Variants in CLIC5 observed in about 807,000 individuals in gnomAD.
CLIC5 encodes the protein CLIC family member 5, also known as chloride intracellular channel protein 5.
In CLIC5, 20 loss-of-function variants were observed where a neutral mutation model predicts 24.7. The observed-to-expected ratio is 0.81, with a 90% confidence interval of 0.57 to 1.18. The LOEUF (loss-of-function observed/expected upper bound fraction) is 1.18, where lower values mean the gene tolerates loss of function less well. Ranked by LOEUF, CLIC5 falls within the 50% of genes most tolerant of loss-of-function variation. CLIC5 has a pLI of 0.00. For missense variants in CLIC5, 341 were observed against 326.1 expected, an observed-to-expected ratio of 1.05 and a Z score of -0.35; for synonymous variants, 159 against 135.6, an observed-to-expected ratio of 1.17 and a Z score of -1.20.
In CLIC5 at chr6:45,942,482, T is replaced by G. The variant is rs79842817; in HGVS notation, c.300-829A>C. On this transcript the variant is annotated intron_variant, in intron 3 of 5. Transcript: ENST00000339561. ...AAAAATCAACTCAAATAAATATTAT[T>G]TCATAAGCATTTTATGGGTATGGCC... Among the ~76,000 whole-genome samples, 375 of 152,284 alleles carry G rather than the reference T, an allele frequency of 2.5e-3. 2 individuals carry two copies. The highest frequency in any genetic ancestry group is 8.6e-3 in the African/African-American group (359 of 41,544).
rs1379233867 is a variant in CLIC5, at chr6:46,015,807, G to A, written c.-265C>T. 1.7e-6 allele frequency: 2 copies of A among 1,190,530 alleles called. No individual in the cohort carries two copies. Among genetic ancestry groups the A allele is most frequent in the Non-Finnish European group, 1.0e-6 (1 of 961,168 alleles). The allele number at this position is 1,190,530 out of a possible 1,614,324, so 73.7% of individuals were successfully genotyped here. On this transcript the variant is annotated 5_prime_UTR_variant, in exon 1 of 6. Transcript: ENST00000339561. ...GTTAAGGGAATGACAACAGGTCGTG[G>A]GAGCAACAAGTGCCGGGCTGCCCGG...
intron 3 of CLIC5, among the ~76,000 whole-genome samples, chr6:45,943,148 A>G (rs912067376): frequency 6.6e-6 from 1 of 152,244 alleles, no homozygotes; most frequent in African/African-American, 2.4e-5. Flanking sequence ...GGTGGCATAG[A>G]GAGGTTAAGC....
the CLIC5 span, among the ~76,000 whole-genome samples, chr6:46,106,018 TGCCCACCA>T: frequency 8.5e-5 from 13 of 152,228 alleles, no homozygotes; most frequent in African/African-American, 2.7e-4. Flanking sequence ...GATTCTGGGT[TGCCCACCA>T]GCTTAGGGGC....
At chr6:46,030,293 T>C (rs1248405792) in intron 1 of CLIC5, among the ~76,000 whole-genome samples, 1 of 152,166 alleles carries the variant, frequency 6.6e-6, no homozygotes, top group African/African-American at 2.4e-5. Flanking sequence ...ATATTTTTGT[T>C]TAATCCTTCC....
chr6:45,924,425 G>A (rs4714889), intron 4 of CLIC5, among the ~76,000 whole-genome samples: 148,720 of 152,308 alleles, frequency 0.98, 72,628 homozygotes, highest in East Asian at 1. Flanking sequence ...ATGTGCCCCA[G>A]CAAAAATTAC....
upstream of CLIC5, among the ~76,000 whole-genome samples, chr6:46,017,814 G>A (rs983701843): frequency 6.6e-6 from 1 of 152,176 alleles, no homozygotes; most frequent in African/African-American, 2.4e-5. Flanking sequence ...TCAGGCATCT[G>A]ATAGGCAAAG....
At chr6:45,920,261 A>G (rs1009323530) in intron 4 of CLIC5, 1 of 984,682 alleles carries the variant, frequency 1.0e-6, no homozygotes, top group Admixed American at 6.1e-5. Context: ...ATGACCCATC[A>G]CATCACTTTT....
At chr6:46,085,672 C>G in the CLIC5 span, among the ~76,000 whole-genome samples, 3 of 152,354 alleles carry the variant, frequency 2.0e-5, no homozygotes, top group African/African-American at 7.2e-5. Context: ...TGTGAGGTGT[C>G]AGTCTGCCCC....
At chr6:46,054,205 G>T (rs1768183360) in intron 1 of CLIC5, among the ~76,000 whole-genome samples, 1 of 152,106 alleles carries the variant, frequency 6.6e-6, no homozygotes. Context: ...ATCTAGTTGG[G>T]ATATTCTGGC....
At chr6:45,982,882 C>T (rs906094962) in intron 1 of CLIC5, among the ~76,000 whole-genome samples, 2 of 152,146 alleles carry the variant, frequency 1.3e-5, no homozygotes, top group Non-Finnish European at 2.9e-5. Flanking sequence ...TTCTGGGAAT[C>T]AGTCTAAATG....
chr6:45,968,359 G>A (rs1051939244), intron 1 of CLIC5, among the ~76,000 whole-genome samples: 1 of 152,146 alleles, frequency 6.6e-6, no homozygotes, highest in African/African-American at 2.4e-5. Context: ...TGTAAGCAAC[G>A]AGATGAAGCT....
chr6:45,955,967 T>C (rs1030935164), intron 1 of CLIC5, among the ~76,000 whole-genome samples: 5 of 152,142 alleles, frequency 3.3e-5, no homozygotes, highest in African/African-American at 4.8e-5. Flanking sequence ...AGCCAGGGGA[T>C]TGAAAATTGA....
At chr6:45,883,218 C>T (rs1762277636) in intron 6 of CLIC5, among the ~76,000 whole-genome samples, 1 of 152,170 alleles carries the variant, frequency 6.6e-6, no homozygotes, top group South Asian at 2.1e-4. Context: ...ACATTACCTG[C>T]CATTTGCCTT....
At chr6:46,050,523 T>G (rs1156832305) in intron 1 of CLIC5, among the ~76,000 whole-genome samples, 1 of 152,216 alleles carries the variant, frequency 6.6e-6, no homozygotes, top group Non-Finnish European at 1.5e-5. Flanking sequence ...TCATCCCATC[T>G]TAGGGCAGAG....
chr6:45,981,332 T>A (rs1765563014), intron 1 of CLIC5, among the ~76,000 whole-genome samples: 1 of 152,010 alleles, frequency 6.6e-6, no homozygotes, highest in African/African-American at 2.4e-5. Context: ...TATCTACTTA[T>A]ATAATTTCTG....
chr6:45,927,078 C>T (rs373265413), intron 4 of CLIC5, among the ~76,000 whole-genome samples: 9 of 152,138 alleles, frequency 5.9e-5, no homozygotes, highest in Non-Finnish European at 8.8e-5. Context: ...GGCTGGAGGA[C>T]GTGCCCGTGG....
At chr6:45,991,896 T>C (rs1561988800) in intron 1 of CLIC5, among the ~76,000 whole-genome samples, 1 of 152,190 alleles carries the variant, frequency 6.6e-6, no homozygotes, top group Non-Finnish European at 1.5e-5. Context: ...ACAAGATTTT[T>C]AAAAAATTAG....
the CLIC5 span, among the ~76,000 whole-genome samples, chr6:46,120,123 C>T: frequency 1.6e-4 from 24 of 152,232 alleles, no homozygotes; most frequent in Non-Finnish European, 3.2e-4. Flanking sequence ...TGAGAATGGA[C>T]AGACTGCCTC....
chr6:45,932,629 G>A (rs1391798033), intron 4 of CLIC5: 1 of 152,338 alleles, frequency 6.6e-6, no homozygotes, highest in African/African-American at 2.4e-5. Context: ...TGCAAGATGG[G>A]AGGACAGGGA....
Sources: gnomAD v4.1 joint callset for allele counts (sites outside exome capture counted in the v4.1 genomes callset) on GRCh38, gnomAD v4.1.1 for gene constraint, MANE v1.5 for transcripts, NCBI Gene and HGNC (gene_info 2026-07-23, HGNC 2026-07-21) for gene names.